Variants in EHBP1 observed in about 807,000 individuals in gnomAD.
EHBP1 encodes the protein EH domain-binding protein 1.
In EHBP1, 55 loss-of-function variants were observed where a neutral mutation model predicts 144.0. That is an observed-to-expected ratio of 0.38 (90% CI 0.31 to 0.48). The LOEUF (loss-of-function observed/expected upper bound fraction) is 0.48, where lower values mean the gene tolerates loss of function less well. EHBP1 is among the 20% of genes least tolerant of loss of function. The probability of loss-of-function intolerance (pLI) is 0.98; values close to 1 mark genes in which losing one functional copy is unlikely to be tolerated. For synonymous variants in EHBP1, 469 were observed against 472.7 expected (o/e 0.99, Z 0.10); for missense variants, 1,200 against 1,364.2 (o/e 0.88, Z 1.90).
At chr2:62,979,819 A>G (rs1016279060) in intron 15 of EHBP1, among the ~76,000 whole-genome samples, 1 of 151,986 alleles carries the variant, frequency 6.6e-6, no homozygotes, top group Admixed American at 6.6e-5. Context: ...TAGTCTCCTC[A>G]CTCTGAGAGG....
chr2:63,014,078 A>G lies in EHBP1; in HGVS notation c.3103+17312A>G, dbSNP rs145362721. 2.0e-4 allele frequency among the ~76,000 whole-genome samples: 30 copies of G among 152,328 alleles called. No individual in the cohort carries two copies. The East Asian group carries it at 5.6e-3, about 28-fold the overall frequency. ...CATTAGCAGTTGAGATCACTAGTTA[A>G]TAGGATGATGTCTTTTAGCTTTTGT... On this transcript the variant is annotated intron_variant, in intron 19 of 22. Coordinates refer to ENST00000431489, the MANE Select transcript of EHBP1 (RefSeq NM_001142616.3).
chr2:62,774,378 A>G (rs2041907389), intron 5 of EHBP1, among the ~76,000 whole-genome samples: 2 of 147,620 alleles, frequency 1.4e-5, no homozygotes, highest in African/African-American at 2.5e-5. Context: ...CTCAAAAAGA[A>G]AAAAAAAAAA....
chr2:62,696,330 CT>C (rs2034091459), intron 1 of EHBP1, among the ~76,000 whole-genome samples: 1 of 151,766 alleles, frequency 6.6e-6, no homozygotes, highest in Non-Finnish European at 1.5e-5. Flanking sequence ...ACCACCACAC[CT>C]GGCTAATTTT....
intron 5 of EHBP1, among the ~76,000 whole-genome samples, chr2:62,803,788 C>T (rs189125552): frequency 1.6e-4 from 25 of 152,278 alleles, no homozygotes; most frequent in African/African-American, 4.3e-4. Flanking sequence ...AGTATTTATA[C>T]GTTCAAATTT....
At chr2:62,752,830 C>G (rs962526794) in intron 3 of EHBP1, among the ~76,000 whole-genome samples, 1 of 151,930 alleles carries the variant, frequency 6.6e-6, no homozygotes, top group Non-Finnish European at 1.5e-5. Context: ...CAACCCTTGC[C>G]TTTTTTTATT....
intron 10 of EHBP1, among the ~76,000 whole-genome samples, chr2:62,940,719 G>T (rs1156916671): frequency 2.0e-5 from 3 of 151,744 alleles, no homozygotes; most frequent in Admixed American, 2.0e-4. Flanking sequence ...TATAGGGCTT[G>T]TAATTTCATC....
At chr2:62,824,839 A>G (rs766314403) in intron 5 of EHBP1, among the ~76,000 whole-genome samples, 1 of 151,946 alleles carries the variant, frequency 6.6e-6, no homozygotes, top group African/African-American at 2.4e-5. Context: ...TTAAATTAGT[A>G]TGTCCTTATT....
chr2:62,985,988 A>G (rs1344720956), intron 15 of EHBP1, among the ~76,000 whole-genome samples: 4 of 152,186 alleles, frequency 2.6e-5, no homozygotes, highest in African/African-American at 9.6e-5. Context: ...TACACAGTAG[A>G]AGTTTCTAGA....
chr2:62,760,914 A>T (rs4671451), intron 3 of EHBP1, among the ~76,000 whole-genome samples: 16,185 of 152,168 alleles, frequency 0.11, 1,094 homozygotes, highest in Admixed American at 0.18. Context: ...TTTCATTGAG[A>T]ATTTAATAGG....
chr2:63,043,687 G>T (rs1199830471), intron 21 of EHBP1, among the ~76,000 whole-genome samples: 1 of 152,038 alleles, frequency 6.6e-6, no homozygotes, highest in East Asian at 1.9e-4. Context: ...TTTGGAGGGG[G>T]TCGGGGGGGA....
At chr2:63,028,136 T>C (rs2061066389) in intron 19 of EHBP1, among the ~76,000 whole-genome samples, 1 of 152,208 alleles carries the variant, frequency 6.6e-6, no homozygotes, top group South Asian at 2.1e-4. Context: ...AAAAGATAAG[T>C]ATATGATGTA....
chr2:62,932,175 TAAAA>T (rs764069665), intron 10 of EHBP1, among the ~76,000 whole-genome samples: 26 of 125,810 alleles, frequency 2.1e-4, no homozygotes, highest in Middle Eastern at 4.1e-3. Context: ...AGACGGCATC[TAAAA>T]AAAAAAAAAA....
rs577759332 is a variant in EHBP1 at position 62,837,692 on chromosome 2, A to G, written c.634+6534A>G. 2.1e-3 allele frequency among the ~76,000 whole-genome samples: 313 copies of G among 149,608 alleles called. 6 individuals are homozygous for G. Among genetic ancestry groups the G allele is most frequent in the Admixed American group, 0.015 (221 of 15,052 alleles). On this transcript the variant is annotated intron_variant, in intron 7 of 22. Coordinates refer to ENST00000431489, the MANE Select transcript of EHBP1 (RefSeq NM_001142616.3). Reference sequence around the variant, plus strand: ...AAAAAAAGGCAGGGGTTGCAATCCTAGTCTCTGATAAAACAGACTTTAAAC... The same window carrying G: ...AAAAAAAGGCAGGGGTTGCAATCCTGGTCTCTGATAAAACAGACTTTAAAC...
intron 5 of EHBP1, among the ~76,000 whole-genome samples, chr2:62,789,791 A>C (rs1573362841): frequency 6.6e-6 from 1 of 152,150 alleles, no homozygotes; most frequent in Admixed American, 6.5e-5. Context: ...AACCACCCAC[A>C]CTAAATATGA....
At chr2:62,976,526 TC>T (rs1208202430) in intron 14 of EHBP1, among the ~76,000 whole-genome samples, 2 of 152,194 alleles carry the variant, frequency 1.3e-5, no homozygotes, top group Admixed American at 6.5e-5. Context: ...CAATTGATAC[TC>T]CTTTTTCTTG....
chr2:62,773,903 C>T (rs1363963940), intron 5 of EHBP1, among the ~76,000 whole-genome samples: 8 of 113,222 alleles, frequency 7.1e-5, no homozygotes, highest in East Asian at 5.8e-4. Context: ...AGAAGAATAA[C>T]GTGAGTAACA....
At chr2:62,971,465 C>G (rs1232145561) in intron 14 of EHBP1, among the ~76,000 whole-genome samples, 1 of 152,154 alleles carries the variant, frequency 6.6e-6, no homozygotes, top group Non-Finnish European at 1.5e-5. Flanking sequence ...GAAATGTAAA[C>G]TGATTTGTAT....
intron 5 of EHBP1, among the ~76,000 whole-genome samples, chr2:62,783,445 C>T (rs2152423078): frequency 6.6e-6 from 1 of 152,366 alleles, no homozygotes; most frequent in Admixed American, 6.5e-5. Flanking sequence ...CCCATGAGGG[C>T]TCTGCCCCTG....
chr2:62,921,127 A>G (rs755042040), intron 10 of EHBP1, among the ~76,000 whole-genome samples: 28 of 152,214 alleles, frequency 1.8e-4, no homozygotes, highest in Non-Finnish European at 3.5e-4. Context: ...AATTCAAATT[A>G]CAGTGTTATA....
Sources: gnomAD v4.1 joint callset for allele counts (sites outside exome capture counted in the v4.1 genomes callset) on GRCh38, gnomAD v4.1.1 for gene constraint, MANE v1.5 for transcripts, NCBI Gene and HGNC (gene_info 2026-07-23, HGNC 2026-07-21) for gene names.